Variants in ZWILCH observed in about 807,000 individuals in gnomAD.
The protein encoded by ZWILCH is protein zwilch homolog.
Under a neutral mutation model 79.9 loss-of-function variants are expected in ZWILCH, and 74 were observed. The ratio of observed to expected loss-of-function variants is 0.93; its 90% CI spans 0.77 to 1.12. The LOEUF (loss-of-function observed/expected upper bound fraction) is 1.12, where lower values mean the gene tolerates loss of function less well. Among genes scored for constraint, ZWILCH ranks in the 50% most tolerant of loss-of-function variants. ZWILCH has a pLI of 0.00. For synonymous variants in ZWILCH, 241 were observed against 228.2 expected (o/e 1.06, Z -0.51); for missense variants, 694 against 687.5 (o/e 1.01, Z -0.11).
chr15:66,511,713 T>C (rs1411162721), intron 2 of ZWILCH, among the ~76,000 whole-genome samples: 1 of 152,110 alleles, frequency 6.6e-6, no homozygotes, highest in African/African-American at 2.4e-5. Context: ...CCTCCCAGGT[T>C]CAAGTGATTC....
intron 14 of ZWILCH, among the ~76,000 whole-genome samples, chr15:66,534,678 A>G (rs546810386): frequency 6.6e-6 from 1 of 152,324 alleles, no homozygotes; most frequent in Admixed American, 6.5e-5. Flanking sequence ...ATAACGTACA[A>G]AAGATAAAAA....
chr15:66,535,837 G>A, intron 14 of ZWILCH, 96 bp from the exon 15 acceptor site: 1 of 1,002,276 alleles, frequency 1.0e-6, no homozygotes. Context: ...CTGTTATCAA[G>A]CATCCAAATG....
rs186221303 is a variant in ZWILCH, at chr15:66,547,623, T to C, written c.*27-728T>C. The C allele has an allele frequency of 4.7e-3, 723 of 152,242 alleles. 5 individuals are homozygous for C. Among genetic ancestry groups the C allele is most frequent in the African/African-American group, 0.016 (672 of 41,550 alleles). 9.4% of individuals were successfully genotyped at this position (152,242 alleles called of 1,614,324 possible). A position where few individuals can be genotyped will look rare whatever the true frequency, so the allele number is the denominator to read the frequency against. ...ATAAACATGTAATATTTCTTTGAGG[T>C]ATTTCATTGACTAAAGTAAGTTGAA... On this transcript the variant is annotated intron_variant, in intron 18 of 18. Transcript: ENST00000307897.
chr15:66,544,722 T>TGTGTGTGTGTGTG (rs1555426552), intron 17 of ZWILCH, among the ~76,000 whole-genome samples: 19 of 29,766 alleles, frequency 6.4e-4, no homozygotes, highest in Admixed American at 1.2e-3. Flanking sequence ...TTTTTTTGGT[T>TGTGTGTGTGTGTG]TTTGTGTGTG....
chr15:66,535,396 C>G (rs748092698), intron 14 of ZWILCH, among the ~76,000 whole-genome samples: 2 of 152,064 alleles, frequency 1.3e-5, no homozygotes, highest in Non-Finnish European at 2.9e-5. Flanking sequence ...CCACTGTAGG[C>G]CGGGCGCGGT....
rs143150424 is a variant in ZWILCH at position 66,548,603 on chromosome 15, G to T, written c.*279G>T. 2.7e-5 allele frequency: 41 copies of T among 1,541,474 alleles called. No individual in the cohort carries two copies. In the South Asian group the frequency reaches 4.3e-4, roughly 16 times the overall value. On this transcript the variant is annotated 3_prime_UTR_variant, in exon 19 of 19. Transcript: ENST00000307897. ...ACCATTTGCATGTGACTTAGCAAGG[G>T]CTCTGAAATGACAAAGAGAACGAGC...
intron 8 of ZWILCH, among the ~76,000 whole-genome samples, chr15:66,526,039 C>T (rs1894663076): frequency 1.3e-5 from 2 of 152,190 alleles, no homozygotes; most frequent in African/African-American, 4.8e-5. Context: ...GCTGGGATTA[C>T]AGGCATGAGC....
At chr15:66,547,598 AT>A (rs1330538774) in intron 18 of ZWILCH, 1 of 152,212 alleles carries the variant, frequency 6.6e-6, no homozygotes, top group Non-Finnish European at 1.5e-5. Context: ...TAAATAAAAA[AT>A]AAACATGTAA....
At chr15:66,544,590 T>A (rs1318093054) in intron 17 of ZWILCH, among the ~76,000 whole-genome samples, 1 of 152,098 alleles carries the variant, frequency 6.6e-6, no homozygotes, top group Non-Finnish European at 1.5e-5. Context: ...TCCCCCTGGC[T>A]CAGCCTCCCA....
chr15:66,534,589 A>G (rs1894953481), intron 14 of ZWILCH, among the ~76,000 whole-genome samples: 1 of 152,220 alleles, frequency 6.6e-6, no homozygotes. Flanking sequence ...CCTTTACAGT[A>G]TATTTTTGTA....
chr15:66,522,418 CT>C, intron 7 of ZWILCH, among the ~76,000 whole-genome samples: 1 of 150,076 alleles, frequency 6.7e-6, no homozygotes, highest in African/African-American at 2.5e-5. Context: ...ACTGCAGTCT[CT>C]GCCTCCCTCC....
chr15:66,514,099 A>G lies in ZWILCH; in HGVS notation c.201+16A>G. 6.4e-7 allele frequency: 1 copy of G among 1,568,388 alleles called. No homozygotes were observed. The highest frequency in any genetic ancestry group is 8.7e-7 in the Non-Finnish European group (1 of 1,155,798). ...GGAAAAAGTGGTAAGTACTGGTTTG[A>G]CTTTGTGGTTGTTTAATTCTCCATA... On this transcript the variant is annotated intron_variant, in intron 3 of 18. Transcript: ENST00000307897.
intron 13 of ZWILCH, 53 bp from the exon 14 acceptor site, chr15:66,532,932 T>C (rs1894898099): frequency 8.2e-7 from 1 of 1,223,912 alleles, no homozygotes; most frequent in Non-Finnish European, 1.1e-6. Flanking sequence ...TCTATTAATA[T>C]GTAATAGAAA....
At chr15:66,535,097 A>G (rs144523414) in intron 14 of ZWILCH, among the ~76,000 whole-genome samples, 28 of 152,056 alleles carry the variant, frequency 1.8e-4, no homozygotes, top group African/African-American at 6.3e-4. Context: ...GTAGACACAC[A>G]CATTCGCCTA....
chr15:66,529,629 GAC>G (rs1476028506), intron 12 of ZWILCH, 56 bp downstream of exon 12: 21 of 1,387,136 alleles, frequency 1.5e-5, no homozygotes, highest in Non-Finnish European at 4.1e-6. Flanking sequence ...ATGATGTAAA[GAC>G]ACAGGCTCTG....
chr15:66,549,989 A>G lies in ZWILCH; in HGVS notation c.*1665A>G. The G allele has an allele frequency of 1.6e-6, 2 of 1,246,486 alleles. No individual in the cohort carries two copies. The highest frequency in any genetic ancestry group is 1.5e-5 in the South Asian group (1 of 67,900). 77.2% of individuals were successfully genotyped at this position (1,246,486 alleles called of 1,614,324 possible). On this transcript the variant is annotated 3_prime_UTR_variant, in exon 19 of 19. Transcript: ENST00000307897. Reference sequence around the variant, plus strand: ...TTTTGAGATTTTGAAAATGATATGTATAATTATTTAGTTTAATTATTAAAG... The same window carrying G: ...TTTTGAGATTTTGAAAATGATATGTGTAATTATTTAGTTTAATTATTAAAG...
At chr15:66,523,780 A>T (rs746312469) in intron 8 of ZWILCH, 32 bp downstream of exon 8, 1 of 1,522,860 alleles carries the variant, frequency 6.6e-7, no homozygotes, top group South Asian at 1.2e-5. Context: ...CTTTCCTTAA[A>T]TCTATGTTTT....
rs1555426549 is a variant in ZWILCH at position 66,544,720 on chromosome 15, G to GTTTTTTTTT, written c.1688-1866_1688-1865insTTTTTTTTT. 7.8e-5 allele frequency among the ~76,000 whole-genome samples: 11 copies of GTTTTTTTTT among 141,394 alleles called. No individual in the cohort carries two copies. In the South Asian group the frequency reaches 9.5e-4, roughly 12 times the overall value. The allele number at this position is 141,394 out of a possible 152,430, so 92.8% of individuals were successfully genotyped here. A position where few individuals can be genotyped will look rare whatever the true frequency, so the allele number is the denominator to read the frequency against. On this transcript the variant is annotated intron_variant, in intron 17 of 18. Coordinates refer to ENST00000307897, the MANE Select transcript of ZWILCH (RefSeq NM_017975.5). Reference sequence around the variant, plus strand: ...GCCTTGTTTTTTTGTTGTTTTTTTGGTTTTTGTGTGTGTGTGTGTGTGTGT... The same window carrying GTTTTTTTTT: ...GCCTTGTTTTTTTGTTGTTTTTTTGGTTTTTTTTTTTTTTGTGTGTGTGTGTGTGTGTGT...
At chr15:66,536,574 T>C (rs1478976351) in intron 15 of ZWILCH, among the ~76,000 whole-genome samples, 1 of 152,202 alleles carries the variant, frequency 6.6e-6, no homozygotes, top group African/African-American at 2.4e-5. Context: ...ATCTTATGTG[T>C]ATTTGAGGCC....
Sources: gnomAD v4.1 joint callset for allele counts (sites outside exome capture counted in the v4.1 genomes callset) on GRCh38, gnomAD v4.1.1 for gene constraint, MANE v1.5 for transcripts, NCBI Gene and HGNC (gene_info 2026-07-23, HGNC 2026-07-21) for gene names.